The following OSBPL10 variants were observed in gnomAD, a reference collection of about 807,000 sequenced individuals.
The protein encoded by OSBPL10 is oxysterol binding protein like 10.
Under a neutral mutation model 81.7 loss-of-function variants are expected in OSBPL10, and 49 were observed. The ratio of observed to expected loss-of-function variants is 0.60; its 90% CI spans 0.48 to 0.76. The LOEUF (loss-of-function observed/expected upper bound fraction) is 0.76, where lower values mean the gene tolerates loss of function less well. Among genes scored for constraint, OSBPL10 ranks in the 30% least tolerant of loss-of-function variants. The pLI is 0.00. For synonymous variants in OSBPL10, 419 were observed against 383.6 expected (o/e 1.09, Z -1.08); for missense variants, 923 against 987.8 (o/e 0.93, Z 0.88).
In OSBPL10 at chr3:31,748,745, T is replaced by C. The variant is rs139789479; in HGVS notation, c.730-625A>G. Among the ~76,000 whole-genome samples the C allele has an allele frequency of 2.8e-3, 425 of 151,940 alleles. 4 individuals carry two copies. Among genetic ancestry groups the C allele is most frequent in the African/African-American group, 1.0e-2 (414 of 41,446 alleles). ...AAATTCTAGACCCAGCCCTACTCCA[T>C]GGCTTAAGCTATGGCAAATAATCAT... is the stretch of plus-strand genomic sequence containing the variant. On this transcript the variant is annotated intron_variant, in intron 4 of 11. Coordinates refer to ENST00000396556, the MANE Select transcript of OSBPL10 (RefSeq NM_017784.5).
In OSBPL10 at chr3:31,663,714, ATTTG is replaced by A. The variant is rs1301244674; in HGVS notation, c.2250+361_2250+364del. The stretch of plus-strand genomic sequence containing the variant: ...TGGCCTGTGAGGCACTCCTCAACTA[ATTTG>A]TTACTAAAGATGATCTAACAGGTGC... On this transcript the variant is annotated intron_variant, in intron 11 of 11. Transcript: ENST00000396556. The A allele has an allele frequency of 5.3e-6, 6 of 1,135,776 alleles. No homozygotes were observed. The East Asian group carries it at 3.9e-4, about 74-fold the overall frequency. 70.4% of individuals were successfully genotyped at this position (1,135,776 alleles called of 1,614,324 possible).
chr3:31,945,026 G>A (rs1181271780), intron 1 of OSBPL10, among the ~76,000 whole-genome samples: 1 of 150,772 alleles, frequency 6.6e-6, no homozygotes, highest in Non-Finnish European at 1.5e-5. Context: ...TGGCACACAT[G>A]TGTAGTCCCA....
chr3:31,949,453 G>A (rs1697799951), intron 1 of OSBPL10, among the ~76,000 whole-genome samples: 1 of 151,906 alleles, frequency 6.6e-6, no homozygotes. Flanking sequence ...CAGATCACGA[G>A]GTCAGGAGAT....
intron 7 of OSBPL10, among the ~76,000 whole-genome samples, chr3:31,699,816 A>G (rs1162996549): frequency 6.6e-6 from 1 of 152,192 alleles, no homozygotes; most frequent in East Asian, 1.9e-4. Flanking sequence ...AGGGACACGG[A>G]AGTGTACTTG....
intron 2 of OSBPL10, among the ~76,000 whole-genome samples, chr3:32,032,426 T>G (rs1699481884): frequency 6.6e-6 from 1 of 151,800 alleles, no homozygotes; most frequent in African/African-American, 2.4e-5. Context: ...ATTAATTAAC[T>G]AATTAATTAA....
At chr3:32,030,868 T>C (rs1389836228) in intron 2 of OSBPL10, among the ~76,000 whole-genome samples, 2 of 152,088 alleles carry the variant, frequency 1.3e-5, no homozygotes, top group East Asian at 3.9e-4. Flanking sequence ...ATAGAAAGAT[T>C]GAAAATAATT....
At chr3:31,698,821 C>A (rs1307211408) in intron 7 of OSBPL10, among the ~76,000 whole-genome samples, 1 of 152,176 alleles carries the variant, frequency 6.6e-6, no homozygotes, top group East Asian at 1.9e-4. Context: ...CTAAGAGGGA[C>A]CCCCGTCCCA....
intron 1 of OSBPL10, among the ~76,000 whole-genome samples, 171 bp from the exon 2 acceptor site, chr3:31,880,001 G>A (rs1226823827): frequency 6.6e-6 from 1 of 152,214 alleles, no homozygotes; most frequent in African/African-American, 2.4e-5. Context: ...TAGGGAGAGA[G>A]CACTGGATTC....
At chr3:31,709,119 T>C (rs992088257) in intron 6 of OSBPL10, 1 of 822,334 alleles carries the variant, frequency 1.2e-6, no homozygotes, top group Non-Finnish European at 1.5e-6. Context: ...CTGGATCTTA[T>C]CCTTGACAGG....
chr3:31,887,807 A>C (rs540537192), intron 1 of OSBPL10, among the ~76,000 whole-genome samples: 1 of 152,254 alleles, frequency 6.6e-6, no homozygotes, highest in Admixed American at 6.5e-5. Context: ...CAAACTTTAA[A>C]ATCTGGAATC....
chr3:31,838,398 C>T (rs1372703030), intron 3 of OSBPL10, among the ~76,000 whole-genome samples: 3 of 151,048 alleles, frequency 2.0e-5, no homozygotes, highest in South Asian at 2.1e-4. Context: ...GTAGTCCCAG[C>T]TACTTGGGAG....
chr3:31,932,286 G>GC, intron 1 of OSBPL10, among the ~76,000 whole-genome samples: 1 of 152,054 alleles, frequency 6.6e-6, no homozygotes, highest in East Asian at 1.9e-4. Flanking sequence ...ACCTCCACCC[G>GC]CATCTCCCAG....
chr3:31,778,019 A>C (rs1375015677), intron 4 of OSBPL10, among the ~76,000 whole-genome samples: 1 of 152,190 alleles, frequency 6.6e-6, no homozygotes, highest in East Asian at 1.9e-4. Context: ...CTTGAGCAGA[A>C]TCTGGGGGCA....
intron 7 of OSBPL10, among the ~76,000 whole-genome samples, chr3:31,687,972 G>A (rs1468148773): frequency 6.6e-6 from 1 of 151,648 alleles, no homozygotes; most frequent in Non-Finnish European, 1.5e-5. Flanking sequence ...GCAAGAGAAT[G>A]GGACATGAGC....
At chr3:31,749,586 G>A (rs990303799) in intron 4 of OSBPL10, among the ~76,000 whole-genome samples, 2 of 151,832 alleles carry the variant, frequency 1.3e-5, no homozygotes, top group Admixed American at 6.6e-5. Flanking sequence ...TTAGGGAGGC[G>A]GGTGAAACAC....
At chr3:31,954,628 C>A (rs1697957376) in intron 1 of OSBPL10, among the ~76,000 whole-genome samples, 1 of 151,960 alleles carries the variant, frequency 6.6e-6, no homozygotes, top group Non-Finnish European at 1.5e-5. Context: ...TGGGGAGGAG[C>A]AAGAGACACA....
At chr3:31,675,814 C>T (rs970108303) in intron 8 of OSBPL10, among the ~76,000 whole-genome samples, 11 of 151,806 alleles carry the variant, frequency 7.2e-5, no homozygotes, top group African/African-American at 7.3e-5. Flanking sequence ...GGCATGGTGG[C>T]GGGCACCTGT....
chr3:31,871,115 C>G (rs576978862), intron 3 of OSBPL10, among the ~76,000 whole-genome samples: 1 of 151,580 alleles, frequency 6.6e-6, no homozygotes, highest in South Asian at 2.1e-4. Flanking sequence ...AGTGGCAACC[C>G]GTTCCCGTCC....
At chr3:31,830,328 T>C in intron 3 of OSBPL10, 97 bp from the exon 4 acceptor site, 1 of 1,256,658 alleles carries the variant, frequency 8.0e-7, no homozygotes, top group Non-Finnish European at 1.1e-6. Flanking sequence ...ATCTTTCCCC[T>C]TCCTCTCTTT....
Sources: gnomAD v4.1 joint callset for allele counts (sites outside exome capture counted in the v4.1 genomes callset) on GRCh38, gnomAD v4.1.1 for gene constraint, MANE v1.5 for transcripts, NCBI Gene and HGNC (gene_info 2026-07-23, HGNC 2026-07-21) for gene names.